SYT6: variants seen among roughly 807,000 people sequenced by gnomAD.
The protein encoded by SYT6 is synaptotagmin-6.
Under a neutral mutation model 38.4 loss-of-function variants are expected in SYT6, and 24 were observed. That is an observed-to-expected ratio of 0.62 (90% CI 0.45 to 0.88). The LOEUF (loss-of-function observed/expected upper bound fraction) is 0.88. Ranked by LOEUF, SYT6 falls within the 40% of genes least tolerant of loss-of-function variation. The pLI is 0.00. For missense variants in SYT6, 611 were observed against 621.0 expected, an observed-to-expected ratio of 0.98 and a Z score of 0.17; for synonymous variants, 265 against 241.9, an observed-to-expected ratio of 1.10 and a Z score of -0.89.
chr1:114,107,528 C>A (rs562263443), intron 3 of SYT6, among the ~76,000 whole-genome samples: 15 of 152,238 alleles, frequency 9.9e-5, no homozygotes, highest in African/African-American at 3.6e-4. Context: ...AGGCTTCGCA[C>A]GGGGGAGTGG....
chr1:114,132,550 A>T (rs1678219282), intron 3 of SYT6, among the ~76,000 whole-genome samples: 1 of 152,216 alleles, frequency 6.6e-6, no homozygotes, highest in African/African-American at 2.4e-5. Context: ...ATGGTTTAAT[A>T]CTGAGGAAAA....
intron 3 of SYT6, among the ~76,000 whole-genome samples, chr1:114,126,224 G>C (rs570768570): frequency 6.6e-6 from 1 of 152,294 alleles, no homozygotes; most frequent in African/African-American, 2.4e-5. Flanking sequence ...GGCAGGAGGA[G>C]GTTGAGCCAG....
At chr1:114,117,506 G>T (rs1332328331) in intron 3 of SYT6, among the ~76,000 whole-genome samples, 1 of 152,188 alleles carries the variant, frequency 6.6e-6, no homozygotes, top group Non-Finnish European at 1.5e-5. Flanking sequence ...GTTGTTCCTG[G>T]GTAGAGGGTG....
chr1:114,129,603 TCTTTCTTTCTTTC>T (rs1394417918), intron 3 of SYT6, among the ~76,000 whole-genome samples: 3 of 103,846 alleles, frequency 2.9e-5, no homozygotes, highest in South Asian at 8.9e-4. Context: ...TTTCTTTCTT[TCTTTCTTTCTTTC>T]CTTTCTTTCT....
At chr1:114,106,300 C>T (rs1676309928) in intron 3 of SYT6, among the ~76,000 whole-genome samples, 1 of 152,110 alleles carries the variant, frequency 6.6e-6, no homozygotes, top group Non-Finnish European at 1.5e-5. Flanking sequence ...CTGCTAAGTA[C>T]TTTGCTAGAT....
chr1:114,118,523 C>T (rs1677143225), intron 3 of SYT6, among the ~76,000 whole-genome samples: 1 of 152,218 alleles, frequency 6.6e-6, no homozygotes, highest in Non-Finnish European at 1.5e-5. Context: ...CTGTATGAAC[C>T]TGGAGACCTC....
chr1:114,137,221 T>C (rs1263073840), intron 3 of SYT6, among the ~76,000 whole-genome samples: 2 of 152,214 alleles, frequency 1.3e-5, no homozygotes, highest in Non-Finnish European at 2.9e-5. Flanking sequence ...ACATCAGTAC[T>C]CTCAGTAGAA....
At position 114,139,788 on chromosome 1, in the gene SYT6, G is replaced by A. The variant is rs1485467181; in HGVS notation, c.339C>T (p.Gly113=). Residue 113 remains glycine, a synonymous_variant, in exon 2 of 8, where the codon GGC becomes GGT. Coordinates refer to ENST00000610222, the MANE Select transcript of SYT6 (RefSeq NM_001253772.2). The part of the protein sequence containing the change: ...LEALQSPSFR[G]NMADKLKDPS... The stretch of plus-strand genomic sequence containing the variant: ...GGTCCTTCAGCTTGTCCGCCATGTT[G>A]CCTCTGAAGCTGGGGCTCTGGAGGG... The A allele has an allele frequency of 1.2e-6, 2 of 1,611,888 alleles. No individual in the cohort carries two copies. The highest frequency in any genetic ancestry group is 1.7e-6 in the Non-Finnish European group (2 of 1,178,696).
intron 1 of SYT6, among the ~76,000 whole-genome samples, chr1:114,144,933 C>G (rs778757128): frequency 6.6e-6 from 1 of 152,030 alleles, no homozygotes; most frequent in Non-Finnish European, 1.5e-5. Flanking sequence ...CACCTACCAC[C>G]ACCCCCTTCC....
At position 114,122,606 on chromosome 1, in the gene SYT6, TA is replaced by T. The variant is rs1557750485; in HGVS notation, c.1071+14888del. Reference sequence around the variant, plus strand: ...GGGCTCTGCTGAGATTCTACTTCCCTATCTCTTGCAGGAGGCAGAGAGGAGC... The same window carrying T: ...GGGCTCTGCTGAGATTCTACTTCCCTTCTCTTGCAGGAGGCAGAGAGGAGC... On this transcript the variant is annotated intron_variant, in intron 3 of 7. Transcript: ENST00000610222. 2.0e-5 allele frequency among the ~76,000 whole-genome samples: 3 copies of T among 152,304 alleles called. No individual in the cohort carries two copies. In the East Asian group the frequency reaches 5.8e-4, roughly 29 times the overall value.
chr1:114,109,837 T>A (rs1254715423), intron 3 of SYT6, among the ~76,000 whole-genome samples: 1 of 152,168 alleles, frequency 6.6e-6, no homozygotes, highest in Non-Finnish European at 1.5e-5. Context: ...GAGGGTGATA[T>A]TTGATAGGAT....
intron 3 of SYT6, among the ~76,000 whole-genome samples, chr1:114,126,105 G>A (rs1017033313): frequency 2.0e-5 from 3 of 152,166 alleles, no homozygotes; most frequent in African/African-American, 7.2e-5. Flanking sequence ...AGACTAGGAA[G>A]GGCATGGGCT....
chr1:114,095,691 C>T (rs1436104759), intron 6 of SYT6, among the ~76,000 whole-genome samples: 2 of 149,684 alleles, frequency 1.3e-5, no homozygotes, highest in Admixed American at 6.7e-5. Context: ...GATGGAGTCT[C>T]GCTCTGTTGT....
At chr1:114,113,267 A>G (rs1483406311) in intron 3 of SYT6, among the ~76,000 whole-genome samples, 4 of 151,672 alleles carry the variant, frequency 2.6e-5, no homozygotes, top group Admixed American at 2.0e-4. Flanking sequence ...TTCTTCTCCC[A>G]CCTCTCTGGC....
At chr1:114,104,746 G>T (rs181837127) in intron 3 of SYT6, among the ~76,000 whole-genome samples, 2,879 of 152,024 alleles carry the variant, frequency 0.019, 85 homozygotes, top group African/African-American at 0.066. Flanking sequence ...GTGTTGATCT[G>T]AGTGCTAAGG....
chr1:114,093,128 C>T (rs1481895318), intron 7 of SYT6, among the ~76,000 whole-genome samples: 1 of 152,134 alleles, frequency 6.6e-6, no homozygotes, highest in African/African-American at 2.4e-5. Flanking sequence ...TGCTACTATG[C>T]ATCATGCATA....
At chr1:114,126,553 T>C (rs573855642) in intron 3 of SYT6, among the ~76,000 whole-genome samples, 1 of 152,256 alleles carries the variant, frequency 6.6e-6, no homozygotes, top group Admixed American at 6.5e-5. Flanking sequence ...CACTGTGTGC[T>C]ATTAGGTGGT....
chr1:114,121,909 T>C (rs188016603), intron 3 of SYT6, among the ~76,000 whole-genome samples: 80 of 152,330 alleles, frequency 5.3e-4, no homozygotes, highest in Admixed American at 9.1e-4. Context: ...TATTGCACCC[T>C]AGTCACAGCC....
chr1:114,137,933 G>A lies in SYT6; in HGVS notation c.633C>T (p.Leu211=). Residue 211 remains leucine (L), a synonymous_variant, in exon 3 of 8, where the codon CTC becomes CTT. Coordinates refer to ENST00000610222, the MANE Select transcript of SYT6 (RefSeq NM_001253772.2). ...CCCCATCCACCGACTTCTGCTTGTA[G>A]AGCTCAGGCTTGATGCGGCCAATGC... ...PTSIGRIKPE[L]YKQKSVDGED... 6.2e-7 allele frequency: 1 copy of A among 1,614,064 alleles called. No homozygotes were observed.
Sources: gnomAD v4.1 joint callset for allele counts (sites outside exome capture counted in the v4.1 genomes callset) on GRCh38, gnomAD v4.1.1 for gene constraint, MANE v1.5 for transcripts, NCBI Gene and HGNC (gene_info 2026-07-23, HGNC 2026-07-21) for gene names.